Variants in SP140 observed in about 807,000 individuals in gnomAD.
SP140 encodes the protein SP140 nuclear body protein.
SP140 carries 81 observed loss-of-function variants against 125.0 expected under a neutral mutation model. That is an observed-to-expected ratio of 0.65 (90% CI 0.54 to 0.78). The LOEUF (loss-of-function observed/expected upper bound fraction) is 0.78, where lower values mean the gene tolerates loss of function less well. Among genes scored for constraint, SP140 ranks in the 30% least tolerant of loss-of-function variants. SP140 has a pLI of 0.00. For missense variants in SP140, 858 were observed against 1,037.0 expected (o/e 0.83, Z 2.37); for synonymous variants, 312 against 354.0 (o/e 0.88, Z 1.33).
rs41309100 is a variant in SP140 at position 230,211,346 on chromosome 2, G to C, written c.-322-2308G>C. ...AAGCTCCCAAGTGCTGGGTGAACTG[G>C]AAGCTGGGCCAAGATTGCTGAGAGG... is the stretch of plus-strand genomic sequence containing the variant. On this transcript the variant is annotated intron_variant, in intron 1 of 4. Coordinates refer to the SP140 transcript ENST00000456542. This position sits in a 1 kb window ranked among gnomAD's most constrained non-coding sequence, Gnocchi z 4.2. 1 of 742,704 alleles carries C rather than the reference G, an allele frequency of 1.3e-6. No individual in the cohort carries two copies. Among genetic ancestry groups the C allele is most frequent in the Admixed American group, 1.9e-5 (1 of 52,216 alleles). 46.0% of individuals were successfully genotyped at this position (742,704 alleles called of 1,614,324 possible).
the SP140 span, among the ~76,000 whole-genome samples, chr2:230,189,988 A>G: frequency 1.3e-4 from 20 of 152,196 alleles, no homozygotes; most frequent in Non-Finnish European, 2.4e-4. Flanking sequence ...CGTCTTTGCT[A>G]TGGTAAATAC....
intron 18 of SP140, among the ~76,000 whole-genome samples, chr2:230,288,826 T>G (rs1575233244): frequency 6.6e-6 from 1 of 152,318 alleles, no homozygotes; most frequent in Non-Finnish European, 1.5e-5. Flanking sequence ...TGCATAGTAT[T>G]TCATGGTGTA....
chr2:230,219,463 T>C (rs1032042292), intron 3 of SP140: 1 of 152,230 alleles, frequency 6.6e-6, no homozygotes, highest in African/African-American at 2.4e-5. Context: ...AATAATCATG[T>C]ATTTAGAGAA....
At chr2:230,261,182 TTTG>T (rs373909339) in intron 12 of SP140, among the ~76,000 whole-genome samples, 171 of 152,094 alleles carry the variant, frequency 1.1e-3, no homozygotes, top group African/African-American at 3.8e-3. Flanking sequence ...TTCCTAAGTT[TTTG>T]TTGTTGTTGT....
intron 22 of SP140, among the ~76,000 whole-genome samples, chr2:230,303,094 AT>A (rs2149562109): frequency 6.6e-6 from 1 of 152,282 alleles, no homozygotes; most frequent in East Asian, 1.9e-4. Flanking sequence ...AACAAAAAAA[AT>A]ACAAAAGATA....
At chr2:230,235,059 A>G (rs1237882980) in intron 1 of SP140, 2 of 152,368 alleles carry the variant, frequency 1.3e-5, no homozygotes, top group African/African-American at 4.8e-5. Flanking sequence ...CACTGAGCAA[A>G]TACCAAATCC....
upstream of SP140, chr2:230,200,809 T>C: frequency 1.8e-6 from 2 of 1,128,828 alleles, no homozygotes; most frequent in Non-Finnish European, 1.4e-6. Flanking sequence ...TTAAGAAATA[T>C]TGCCTCAGTG....
upstream of SP140, among the ~76,000 whole-genome samples, chr2:230,199,795 G>A (rs549490552): frequency 6.6e-6 from 1 of 152,160 alleles, no homozygotes; most frequent in African/African-American, 2.4e-5. Context: ...AGTAATTTTT[G>A]AATAAGCAGT....
intron 10 of SP140, 118 bp downstream of exon 10, chr2:230,251,179 A>C (rs907503396): frequency 3.7e-6 from 3 of 812,034 alleles, no homozygotes; most frequent in Non-Finnish European, 6.0e-6. Flanking sequence ...GAATGCAATT[A>C]AATCTGAGAT....
Position 230,237,008 on chromosome 2 carries a change from G to T in SP140, c.60-75G>T. On this transcript the variant is annotated intron_variant, in intron 1 of 26. Transcript: ENST00000392045. The surrounding 1 kb of genome is among the most constrained non-coding windows in gnomAD (Gnocchi z 5.4). Reference sequence around the variant, plus strand: ...TGGCTCTCCATTGGCCATCCTTCATGTCTAAAATCTTCTAACCACCACAAA... The same window carrying T: ...TGGCTCTCCATTGGCCATCCTTCATTTCTAAAATCTTCTAACCACCACAAA... 8.2e-7 allele frequency: 1 copy of T among 1,213,846 alleles called. No individual in the cohort carries two copies. Among genetic ancestry groups the T allele is most frequent in the Non-Finnish European group, 1.1e-6 (1 of 887,160 alleles). The allele number at this position is 1,213,846 out of a possible 1,614,324, so 75.2% of individuals were successfully genotyped here. A position where few individuals can be genotyped will look rare whatever the true frequency, so the allele number is the denominator to read the frequency against.
upstream of SP140, chr2:230,200,682 G>A: frequency 1.6e-6 from 1 of 610,528 alleles, no homozygotes; most frequent in Non-Finnish European, 2.9e-6. Context: ...ACATACATAT[G>A]GACACATTAC....
rs1197885677 is a variant in SP140, at chr2:230,253,533, A to G, written c.1159+116A>G. 6 of 744,418 alleles carry G rather than the reference A, an allele frequency of 8.1e-6. No homozygotes were observed. The Admixed American group carries it at 9.5e-5, about 12-fold the overall frequency. The allele number at this position is 744,418 out of a possible 1,614,324, so 46.1% of individuals were successfully genotyped here. A position where few individuals can be genotyped will look rare whatever the true frequency, so the allele number is the denominator to read the frequency against. ...TTCTCTTCTTCACATTCGCATACATACAGATGGAATTATGTCAATTTTCTG... is the reference window on the plus strand; with the variant it reads ...TTCTCTTCTTCACATTCGCATACATGCAGATGGAATTATGTCAATTTTCTG... On this transcript the variant is annotated intron_variant, in intron 11 of 26. Coordinates refer to ENST00000392045, the MANE Select transcript of SP140 (RefSeq NM_007237.5).
At chr2:230,236,323 A>G (rs1318088147) in intron 1 of SP140, among the ~76,000 whole-genome samples, 1 of 152,216 alleles carries the variant, frequency 6.6e-6, no homozygotes, top group Non-Finnish European at 1.5e-5. Context: ...TTGTTAACTA[A>G]GAAGACTTGC....
intron 22 of SP140, among the ~76,000 whole-genome samples, chr2:230,299,192 G>GTTTT (rs1380357872): frequency 2.0e-5 from 3 of 152,192 alleles, no homozygotes; most frequent in Admixed American, 2.0e-4. Flanking sequence ...AAAACTGAAG[G>GTTTT]AAGTCACACA....
chr2:230,282,948 G>T (rs2055817428), intron 15 of SP140, among the ~76,000 whole-genome samples: 1 of 152,198 alleles, frequency 6.6e-6, no homozygotes, highest in Non-Finnish European at 1.5e-5. Flanking sequence ...TGGGGAGAGG[G>T]TGGGCATATG....
At chr2:230,299,527 C>A (rs2058089650) in intron 22 of SP140, among the ~76,000 whole-genome samples, 1 of 152,136 alleles carries the variant, frequency 6.6e-6, no homozygotes, top group Admixed American at 6.5e-5. Flanking sequence ...TTGCAGAGAG[C>A]CATGGGGAGA....
intron 1 of SP140, among the ~76,000 whole-genome samples, chr2:230,228,496 T>C (rs2046780975): frequency 1.3e-5 from 2 of 152,244 alleles, no homozygotes; most frequent in African/African-American, 4.8e-5. Context: ...GTTGAAGCCT[T>C]CAATAATAGT....
At chr2:230,238,745 A>G in intron 3 of SP140, 2 of 1,536,180 alleles carry the variant, frequency 1.3e-6, no homozygotes, top group South Asian at 1.2e-5. Flanking sequence ...AGATAAAACA[A>G]TTTTCTTTGT....
chr2:230,263,129 T>C (rs1168465798), intron 12 of SP140, among the ~76,000 whole-genome samples: 1 of 152,212 alleles, frequency 6.6e-6, no homozygotes, highest in African/African-American at 2.4e-5. Context: ...ATTTTATAAA[T>C]TTGGGAGCCC....
Sources: allele counts gnomAD v4.1 joint callset (sites outside exome capture counted in the v4.1 genomes callset), GRCh38; gene constraint gnomAD v4.1.1; non-coding constraint Gnocchi (gnomAD v3.1); transcripts MANE v1.5; gene names NCBI Gene and HGNC (gene_info 2026-07-23, HGNC 2026-07-21).